HIVEP3: variants seen among roughly 807,000 people sequenced by gnomAD.
HIVEP3 encodes the protein HIVEP zinc finger 3.
A neutral mutation model predicts 152.8 loss-of-function variants in HIVEP3; 49 were observed. That is an observed-to-expected ratio of 0.32 (90% CI 0.26 to 0.41). HIVEP3 has a LOEUF of 0.41. HIVEP3 is among the 10% of genes least tolerant of loss of function. The pLI, the probability that HIVEP3 is intolerant of heterozygous loss-of-function variation, is 1.00. For missense variants in HIVEP3, 2,790 were observed against 3,103.3 expected (o/e 0.90, Z 2.40); for synonymous variants, 1,269 against 1,289.0 (o/e 0.98, Z 0.33).
intron 1 of HIVEP3, among the ~76,000 whole-genome samples, chr1:41,890,285 C>A (rs1454406897): frequency 6.6e-6 from 1 of 152,172 alleles, no homozygotes; most frequent in African/African-American, 2.4e-5. Flanking sequence ...AAACATAGCA[C>A]CTGCCTCCAA....
chr1:41,618,679 T>C lies in HIVEP3; in HGVS notation c.-522+10070A>G, dbSNP rs931408996. On this transcript the variant is annotated intron_variant, in intron 3 of 8. Transcript: ENST00000372583. Reference sequence around the variant, plus strand: ...CTTCCCTGACCACCCCAGGCCCCAGTGACCTGAGCTCAAGGATGAGTTTCC... The same window carrying C: ...CTTCCCTGACCACCCCAGGCCCCAGCGACCTGAGCTCAAGGATGAGTTTCC... 6.6e-5 allele frequency among the ~76,000 whole-genome samples: 10 copies of C among 152,058 alleles called. No homozygotes were observed. In the Admixed American group the frequency reaches 6.6e-4, roughly 10 times the overall value.
intron 3 of HIVEP3, among the ~76,000 whole-genome samples, chr1:41,591,610 C>T (rs1217284229): frequency 2.6e-5 from 4 of 151,924 alleles, no homozygotes; most frequent in African/African-American, 9.7e-5. Context: ...TTCCTGACTC[C>T]ATGGAAGCCA....
intron 1 of HIVEP3, among the ~76,000 whole-genome samples, chr1:41,728,186 T>A (rs1450063968): frequency 6.6e-6 from 1 of 152,176 alleles, no homozygotes; most frequent in Non-Finnish European, 1.5e-5. Context: ...TCCTACTTGG[T>A]AGCTGTGCAA....
chr1:41,541,705 C>T (rs909461382), intron 5 of HIVEP3, among the ~76,000 whole-genome samples: 9 of 152,174 alleles, frequency 5.9e-5, no homozygotes, highest in Non-Finnish European at 1.0e-4. Context: ...ACTCCTGAGG[C>T]GGAAACCAGC....
intron 1 of HIVEP3, among the ~76,000 whole-genome samples, chr1:41,747,079 C>A (rs1647084165): frequency 6.6e-6 from 1 of 152,150 alleles, no homozygotes; most frequent in Admixed American, 6.5e-5. Context: ...GGATTCCCAC[C>A]TGTGAGAGGC....
intron 5 of HIVEP3, among the ~76,000 whole-genome samples, chr1:41,545,922 G>A (rs1182365920): frequency 6.6e-6 from 1 of 152,232 alleles, no homozygotes. Context: ...GCAGAAAGCT[G>A]ACAGTTGGAA....
Position 41,552,714 on chromosome 1 carries a change from G to T in HIVEP3, c.5207+22830C>A, listed in dbSNP as rs932811494. On this transcript the variant is annotated intron_variant, in intron 5 of 8. Transcript: ENST00000372583. ...TGTCTTTATAGCAGCATGATTTATA[G>T]TCCTTTGGGTATATACCCAGTAATG... 3.3e-5 allele frequency among the ~76,000 whole-genome samples: 5 copies of T among 151,880 alleles called. No homozygotes were observed. The South Asian group carries it at 1.0e-3, about 32-fold the overall frequency.
chr1:41,984,408 A>T (rs1645310557), intron 1 of HIVEP3, among the ~76,000 whole-genome samples: 2 of 152,228 alleles, frequency 1.3e-5, no homozygotes, highest in South Asian at 4.1e-4. Context: ...GAATGGGGGA[A>T]AAAAGAGATT....
chr1:41,830,069 T>A (rs751205988), intron 1 of HIVEP3, among the ~76,000 whole-genome samples: 38 of 152,222 alleles, frequency 2.5e-4, no homozygotes, highest in Non-Finnish European at 4.4e-4. Flanking sequence ...CATGTCAAGG[T>A]CTCATTGACC....
intron 1 of HIVEP3, among the ~76,000 whole-genome samples, chr1:41,911,717 A>T (rs546256055): frequency 6.6e-6 from 1 of 152,200 alleles, no homozygotes; most frequent in Non-Finnish European, 1.5e-5. Flanking sequence ...GTTCAGCAAA[A>T]TGAAAAAATT....
chr1:41,776,886 G>A (rs1237417857), intron 1 of HIVEP3, among the ~76,000 whole-genome samples: 2 of 152,198 alleles, frequency 1.3e-5, no homozygotes, highest in African/African-American at 4.8e-5. Flanking sequence ...TGAGTGTAGT[G>A]GGTGACAGGC....
intron 6 of HIVEP3, among the ~76,000 whole-genome samples, chr1:41,520,048 A>T (rs991119365): frequency 6.6e-6 from 1 of 152,210 alleles, no homozygotes; most frequent in African/African-American, 2.4e-5. Context: ...AAATGGGAGA[A>T]TGGTAGGAAC....
intron 7 of HIVEP3, among the ~76,000 whole-genome samples, chr1:41,516,181 G>GGCGACCCCTTCCCAGGGCCCTTGCAGGA (rs1642599449): frequency 1.3e-5 from 2 of 151,538 alleles, no homozygotes; most frequent in Non-Finnish European, 2.9e-5. Flanking sequence ...CCCCTGGCTG[G>GGCGACCCCTTCCCAGGGCCCTTGCAGGA]GCGGCCCCGC....
intron 1 of HIVEP3, among the ~76,000 whole-genome samples, chr1:41,814,068 G>T (rs907282028): frequency 2.0e-5 from 3 of 152,182 alleles, no homozygotes; most frequent in African/African-American, 7.2e-5. Context: ...TGATGGTCTT[G>T]ACCTTGGGCA....
chr1:41,577,319 TAA>T (rs1172929108), intron 4 of HIVEP3, among the ~76,000 whole-genome samples: 1 of 152,248 alleles, frequency 6.6e-6, no homozygotes, highest in African/African-American at 2.4e-5. Flanking sequence ...TCCTATGCGC[TAA>T]GTGTTATTAT....
chr1:42,032,168 A>C (rs1361030673), intron 1 of HIVEP3, among the ~76,000 whole-genome samples: 14 of 152,220 alleles, frequency 9.2e-5, no homozygotes, highest in Admixed American at 9.2e-4. Flanking sequence ...AACTCCAAAC[A>C]GTCACACCCC....
rs536439669 is a variant in HIVEP3, at chr1:41,929,550, T to C, written n.120-11026A>G. 9.9e-4 allele frequency among the ~76,000 whole-genome samples: 151 copies of C among 151,772 alleles called. 1 individual carries two copies. The highest frequency in any genetic ancestry group is 5.4e-3 in the South Asian group (26 of 4,784). On this transcript the variant is annotated intron_variant and non_coding_transcript_variant, in intron 1 of 3. Coordinates refer to the HIVEP3 transcript ENST00000489103. ...AAATAATAGCATTTAGAGACCAAGA[T>C]TGGGGAACCTGATGTGCTCACTGCT... is the stretch of plus-strand genomic sequence containing the variant.
chr1:41,657,159 C>T (rs139554224), intron 2 of HIVEP3, among the ~76,000 whole-genome samples: 1 of 152,150 alleles, frequency 6.6e-6, no homozygotes, highest in Non-Finnish European at 1.5e-5. Flanking sequence ...TAAATGACAG[C>T]GTAAGGTGAG....
At chr1:41,886,712 C>CAAAAAAAAAA (rs71062602) in intron 1 of HIVEP3, among the ~76,000 whole-genome samples, 3 of 87,794 alleles carry the variant, frequency 3.4e-5, no homozygotes, top group African/African-American at 4.4e-5. Flanking sequence ...AACTCCATTT[C>CAAAAAAAAAA]AAAAAAAAAA....
Sources: gnomAD v4.1 joint callset for allele counts (sites outside exome capture counted in the v4.1 genomes callset) on GRCh38, gnomAD v4.1.1 for gene constraint, MANE v1.5 for transcripts, NCBI Gene and HGNC (gene_info 2026-07-23, HGNC 2026-07-21) for gene names.